Variants in FRMD3 observed in about 807,000 individuals in gnomAD.
FRMD3 encodes FERM domain-containing protein 3.
A neutral mutation model predicts 70.2 loss-of-function variants in FRMD3; 33 were observed. The ratio of observed to expected loss-of-function variants is 0.47; its 90% CI spans 0.36 to 0.63. The LOEUF is 0.63. Ranked by LOEUF, FRMD3 falls within the 20% of genes least tolerant of loss-of-function variation. The pLI, the probability that FRMD3 is intolerant of heterozygous loss-of-function variation, is 0.00. For missense variants in FRMD3, 632 were observed against 711.4 expected, an observed-to-expected ratio of 0.89 and a Z score of 1.27; for synonymous variants, 279 against 255.9, an observed-to-expected ratio of 1.09 and a Z score of -0.86.
chr9:83,373,065 T>C (rs1439939305), intron 2 of FRMD3, 110 bp from the exon 3 acceptor site: 1 of 863,738 alleles, frequency 1.2e-6, no homozygotes. Flanking sequence ...TTTCCATAGA[T>C]ACTCTCCAGA....
intron 1 of FRMD3, among the ~76,000 whole-genome samples, chr9:83,419,174 A>G (rs1181775288): frequency 1.3e-5 from 2 of 152,114 alleles, no homozygotes; most frequent in African/African-American, 4.8e-5. Flanking sequence ...TAAAAACTAC[A>G]TATTGGTACA....
At chr9:83,332,174 A>T (rs2131130544) in intron 6 of FRMD3, among the ~76,000 whole-genome samples, 1 of 152,324 alleles carries the variant, frequency 6.6e-6, no homozygotes, top group Non-Finnish European at 1.5e-5. Context: ...AATAGAGATG[A>T]TCGATAACTA....
chr9:83,582,985 A>C, the FRMD3 span, among the ~76,000 whole-genome samples: 1 of 152,214 alleles, frequency 6.6e-6, no homozygotes, highest in South Asian at 2.1e-4. Context: ...ATAATGAATC[A>C]ATGTTTTAAA....
chr9:83,378,673 TTATA>T (rs1194888424), intron 2 of FRMD3, among the ~76,000 whole-genome samples: 3 of 128,752 alleles, frequency 2.3e-5, no homozygotes, highest in African/African-American at 8.9e-5. Flanking sequence ...ATAATTTATA[TTATA>T]TATATAATTT....
intron 1 of FRMD3, among the ~76,000 whole-genome samples, chr9:83,472,564 C>A (rs1828294006): frequency 6.6e-6 from 1 of 152,142 alleles, no homozygotes; most frequent in Admixed American, 6.5e-5. Context: ...GAACGCCACA[C>A]CAGCCCAGCC....
chr9:83,405,849 A>C (rs1019570700), intron 1 of FRMD3, among the ~76,000 whole-genome samples: 5 of 152,040 alleles, frequency 3.3e-5, no homozygotes, highest in African/African-American at 1.2e-4. Flanking sequence ...AGAGGTTTTT[A>C]GTTTGACAGT....
At chr9:83,560,556 C>A in the FRMD3 span, among the ~76,000 whole-genome samples, 1 of 152,142 alleles carries the variant, frequency 6.6e-6, no homozygotes, top group East Asian at 1.9e-4. Flanking sequence ...AGAATAAATG[C>A]GTGTTGTTTA....
At chr9:83,500,630 ATCTTC>A (rs1829047549) in intron 1 of FRMD3, among the ~76,000 whole-genome samples, 1 of 152,008 alleles carries the variant, frequency 6.6e-6, no homozygotes, top group South Asian at 2.1e-4. Flanking sequence ...TTAGAGCTTT[ATCTTC>A]TCTTCATCTC....
chr9:83,265,450 A>G (rs1833214311), intron 13 of FRMD3, among the ~76,000 whole-genome samples: 1 of 151,836 alleles, frequency 6.6e-6, no homozygotes, highest in African/African-American at 2.4e-5. Flanking sequence ...ACATTAAATA[A>G]AAGTTGAAAG....
chr9:83,299,072 A>C (rs1587695089), intron 11 of FRMD3, 40 bp downstream of exon 11: 1 of 1,412,078 alleles, frequency 7.1e-7, no homozygotes, highest in Non-Finnish European at 1.0e-6. Flanking sequence ...GTGGCTGCCC[A>C]TCCCCACCCC....
intron 6 of FRMD3, among the ~76,000 whole-genome samples, chr9:83,325,453 T>C (rs557833566): frequency 3.3e-5 from 5 of 151,864 alleles, no homozygotes; most frequent in South Asian, 2.1e-4. Flanking sequence ...CAGCCTCCTA[T>C]AGCTAGGACT....
intron 3 of FRMD3, among the ~76,000 whole-genome samples, chr9:83,355,893 A>G (rs1331856864): frequency 6.6e-6 from 1 of 152,184 alleles, no homozygotes; most frequent in Non-Finnish European, 1.5e-5. Flanking sequence ...AAGAGCTTGT[A>G]ATTGCACTGA....
intron 10 of FRMD3, among the ~76,000 whole-genome samples, chr9:83,301,745 C>T (rs1344528839): frequency 6.6e-6 from 1 of 152,236 alleles, no homozygotes; most frequent in Non-Finnish European, 1.5e-5. Flanking sequence ...CCCAGACTGG[C>T]CTCTTAGAGG....
chr9:83,420,204 G>A (rs941790064), intron 1 of FRMD3, among the ~76,000 whole-genome samples: 2 of 152,202 alleles, frequency 1.3e-5, no homozygotes, highest in African/African-American at 4.8e-5. Flanking sequence ...GCAGATGGGA[G>A]AGCCTCATGG....
chr9:83,341,394 G>A (rs1197406238), intron 5 of FRMD3, among the ~76,000 whole-genome samples: 4 of 152,112 alleles, frequency 2.6e-5, no homozygotes, highest in Non-Finnish European at 5.9e-5. Flanking sequence ...ACAGGATGGC[G>A]AGCTTTCCAT....
At chr9:83,453,067 G>C (rs1190821404) in intron 1 of FRMD3, among the ~76,000 whole-genome samples, 1 of 151,644 alleles carries the variant, frequency 6.6e-6, no homozygotes, top group Non-Finnish European at 1.5e-5. Flanking sequence ...TGTTGGTCAG[G>C]CTGGTCTCAA....
At chr9:83,473,974 C>G (rs1361169143) in intron 1 of FRMD3, among the ~76,000 whole-genome samples, 1 of 152,178 alleles carries the variant, frequency 6.6e-6, no homozygotes, top group Non-Finnish European at 1.5e-5. Context: ...TCTTTCCTTT[C>G]TTAGAGGTTG....
At chr9:83,528,166 C>T (rs539899348) in intron 1 of FRMD3, among the ~76,000 whole-genome samples, 1 of 152,306 alleles carries the variant, frequency 6.6e-6, no homozygotes, top group South Asian at 2.1e-4. Flanking sequence ...CAAAACAAGA[C>T]ACAGCTTTAT....
chr9:83,396,232 T>C (rs1825808226), intron 1 of FRMD3, among the ~76,000 whole-genome samples: 1 of 152,194 alleles, frequency 6.6e-6, no homozygotes, highest in African/African-American at 2.4e-5. Flanking sequence ...GGAAGCAATG[T>C]CAAGTTCTCC....
Sources: allele counts gnomAD v4.1 joint callset (sites outside exome capture counted in the v4.1 genomes callset), GRCh38; gene constraint gnomAD v4.1.1; transcripts MANE v1.5; gene names NCBI Gene and HGNC (gene_info 2026-07-23, HGNC 2026-07-21).